The following ARSB variants were observed in gnomAD, a reference collection of about 807,000 sequenced individuals.
ARSB encodes N-acetylgalactosamine-4-sulfatase.
Under a neutral mutation model 50.9 loss-of-function variants are expected in ARSB, and 41 were observed. That is an observed-to-expected ratio of 0.81 (90% confidence interval 0.63 to 1.04). The LOEUF (loss-of-function observed/expected upper bound fraction) is 1.04, where lower values mean the gene tolerates loss of function less well. ARSB is among the 50% of genes least tolerant of loss of function. The probability of loss-of-function intolerance (pLI) is 0.00; values close to 1 mark genes in which losing one functional copy is unlikely to be tolerated. For synonymous variants in ARSB, 269 were observed against 284.8 expected, an observed-to-expected ratio of 0.94 and a Z score of 0.56; for missense variants, 672 against 693.3, an observed-to-expected ratio of 0.97 and a Z score of 0.35.
At chr5:78,913,761 T>A (rs1749416573) in intron 4 of ARSB, among the ~76,000 whole-genome samples, 5 of 151,890 alleles carry the variant, frequency 3.3e-5, no homozygotes. Context: ...TACCCAAGAT[T>A]TCAGCTGGGG....
At chr5:78,804,542 G>C (rs1348946174) in intron 6 of ARSB, among the ~76,000 whole-genome samples, 1 of 152,226 alleles carries the variant, frequency 6.6e-6, no homozygotes, top group East Asian at 1.9e-4. Flanking sequence ...AGGAGCAAAA[G>C]GGAGAGAGCT....
intron 6 of ARSB, among the ~76,000 whole-genome samples, chr5:78,838,208 C>T (rs909609221): frequency 6.6e-6 from 1 of 152,186 alleles, no homozygotes; most frequent in African/African-American, 2.4e-5. Context: ...GGAGTGACTG[C>T]TCCTTCTGGG....
chr5:78,821,009 T>C (rs1392084863), intron 6 of ARSB, among the ~76,000 whole-genome samples: 4 of 151,498 alleles, frequency 2.6e-5, no homozygotes, highest in African/African-American at 9.7e-5. Flanking sequence ...TACACACCAC[T>C]GCTCCATAAA....
chr5:78,843,078 C>CCA (rs1458968501), intron 5 of ARSB, among the ~76,000 whole-genome samples: 1 of 152,208 alleles, frequency 6.6e-6, no homozygotes, highest in African/African-American at 2.4e-5. Context: ...GGAACCCAAG[C>CCA]ATTGGTACTT....
At chr5:78,854,031 C>T (rs1561461366) in intron 5 of ARSB, among the ~76,000 whole-genome samples, 1 of 152,248 alleles carries the variant, frequency 6.6e-6, no homozygotes, top group Admixed American at 6.5e-5. Context: ...CAATGCCTCG[C>T]CCTGCTTAGG....
chr5:78,976,933 A>G (rs1207089924), intron 1 of ARSB, among the ~76,000 whole-genome samples: 3 of 152,048 alleles, frequency 2.0e-5, no homozygotes, highest in Non-Finnish European at 4.4e-5. Flanking sequence ...TCTTACAACA[A>G]GCTCGTTCCA....
chr5:78,941,390 C>T (rs1180025561), intron 4 of ARSB, among the ~76,000 whole-genome samples: 5 of 152,142 alleles, frequency 3.3e-5, no homozygotes, highest in South Asian at 2.1e-4. Context: ...CTTTCAGTTT[C>T]TGCCCATTCA....
intron 4 of ARSB, among the ~76,000 whole-genome samples, chr5:78,916,986 C>T (rs1286652262): frequency 3.3e-5 from 5 of 152,156 alleles, no homozygotes; most frequent in African/African-American, 9.7e-5. Flanking sequence ...AAATAATAAA[C>T]GTTGAGAGAA....
chr5:78,806,576 C>G (rs2112652860), intron 6 of ARSB, among the ~76,000 whole-genome samples: 1 of 152,284 alleles, frequency 6.6e-6, no homozygotes, highest in East Asian at 1.9e-4. Flanking sequence ...ACACTGTTGC[C>G]TCCTATTAAG....
chr5:78,871,966 C>G (rs1747209680), intron 5 of ARSB, among the ~76,000 whole-genome samples: 1 of 151,588 alleles, frequency 6.6e-6, no homozygotes, highest in Non-Finnish European at 1.5e-5. Flanking sequence ...AAACAAATTA[C>G]AAGAAAAAAA....
intron 6 of ARSB, among the ~76,000 whole-genome samples, chr5:78,807,655 G>A (rs1428475655): frequency 6.6e-6 from 1 of 152,086 alleles, no homozygotes; most frequent in Non-Finnish European, 1.5e-5. Flanking sequence ...GTACCAAAAG[G>A]GTAGATAGAA....
intron 5 of ARSB, among the ~76,000 whole-genome samples, chr5:78,867,324 A>G (rs1466583683): frequency 6.6e-6 from 1 of 151,706 alleles, no homozygotes; most frequent in African/African-American, 2.4e-5. Context: ...CCACAGCTCA[A>G]GGAGGCCTGC....
chr5:78,818,556 C>T (rs1394353343), intron 6 of ARSB, among the ~76,000 whole-genome samples: 1 of 149,022 alleles, frequency 6.7e-6, no homozygotes, highest in Non-Finnish European at 1.5e-5. Flanking sequence ...AGAAACCCCA[C>T]TTTCCTTGGG....
intron 7 of ARSB, 41 bp from the exon 8 acceptor site, chr5:78,780,703 AGAG>A (rs755102251): frequency 6.2e-7 from 1 of 1,611,366 alleles, no homozygotes; most frequent in Admixed American, 1.7e-5. Flanking sequence ...GGAGAAGCAC[AGAG>A]GCAGGTTCTA....
chr5:78,865,610 C>T (rs548577344), intron 5 of ARSB, among the ~76,000 whole-genome samples: 3 of 152,310 alleles, frequency 2.0e-5, no homozygotes, highest in African/African-American at 7.2e-5. Flanking sequence ...TGAATTTCTA[C>T]TCAGAAAATG....
chr5:78,929,636 C>CA (rs563837881), intron 4 of ARSB, among the ~76,000 whole-genome samples: 87 of 151,766 alleles, frequency 5.7e-4, no homozygotes, highest in African/African-American at 1.9e-3. Context: ...ACTAAAAATA[C>CA]AAAAAAATTT....
At chr5:78,887,786 C>T (rs1403983451) in intron 4 of ARSB, among the ~76,000 whole-genome samples, 2 of 152,232 alleles carry the variant, frequency 1.3e-5, no homozygotes, top group African/African-American at 2.4e-5. Context: ...GAGCACCACA[C>T]TCCTGCTATC....
chr5:78,903,850 T>C (rs576086687), intron 4 of ARSB, among the ~76,000 whole-genome samples: 47 of 152,328 alleles, frequency 3.1e-4, no homozygotes, highest in South Asian at 1.9e-3. Flanking sequence ...TGCTGGTGAT[T>C]TCTTTTTAAT....
Position 78,780,057 on chromosome 5 carries a change from T to A in ARSB, c.*340A>T. The A allele has an allele frequency of 3.0e-6, 1 of 332,636 alleles. No individual in the cohort carries two copies. The allele number at this position is 332,636 out of a possible 1,614,324, so 20.6% of individuals were successfully genotyped here. A position where few individuals can be genotyped will look rare whatever the true frequency, so the allele number is the denominator to read the frequency against. On this transcript the variant is annotated 3_prime_UTR_variant, in exon 8 of 8. Coordinates refer to ENST00000264914, the MANE Select transcript of ARSB (RefSeq NM_000046.5). ...GCTATTGGCAGAGGGGAATCGAACG[T>A]CTGACTTGTGAGTCTAAAAGAGCCA...
Sources: gnomAD v4.1 joint callset for allele counts (sites outside exome capture counted in the v4.1 genomes callset) on GRCh38, gnomAD v4.1.1 for gene constraint, MANE v1.5 for transcripts, NCBI Gene and HGNC (gene_info 2026-07-23, HGNC 2026-07-21) for gene names.